The following BCAS3 variants were observed in gnomAD, a reference collection of about 807,000 sequenced individuals.
The protein encoded by BCAS3 is BCAS4/BCAS3 fusion.
BCAS3 carries 53 observed loss-of-function variants against 116.1 expected under a neutral mutation model. The observed-to-expected ratio is 0.46, with a 90% CI of 0.37 to 0.57. The LOEUF is 0.57. BCAS3 is among the 20% of genes least tolerant of loss of function. The pLI, the probability that BCAS3 is intolerant of heterozygous loss-of-function variation, is 0.00. For synonymous variants in BCAS3, 391 were observed against 408.2 expected (o/e 0.96, Z 0.51); for missense variants, 917 against 1,165.4 (o/e 0.79, Z 3.10).
At position 61,078,459 on chromosome 17, in the gene BCAS3, C is replaced by T. The variant is rs779049490; in HGVS notation, c.2257C>T (p.His753Tyr). ...ATCCAGTTCATCTGTGTTGCAGTCTCATGGTCCGAGTGACACGCCACAGCC... is the reference window on the plus strand; with the variant it reads ...ATCCAGTTCATCTGTGTTGCAGTCTTATGGTCCGAGTGACACGCCACAGCC... The part of the protein sequence containing the change: ...ISSSSSVLQS[H>Y]GPSDTPQPLL... The change falls in exon 21 of 24, where the codon CAT becomes TAT. Residue 753 changes from histidine to tyrosine, a missense_variant. By Grantham distance (83) the His-to-Tyr change is moderately conservative. This residue lies in a region of BCAS3 where 807 missense variants were observed against 1,026.0 expected (regional missense o/e 0.79). Transcript: ENST00000407086. The T allele has an allele frequency of 6.2e-6, 10 of 1,614,082 alleles. No individual in the cohort carries two copies. The highest frequency in any genetic ancestry group is 8.5e-6 in the Non-Finnish European group (10 of 1,180,040).
intron 22 of BCAS3, among the ~76,000 whole-genome samples, chr17:61,116,245 A>T (rs377728140): frequency 1.1e-3 from 68 of 63,408 alleles, no homozygotes; most frequent in East Asian, 5.4e-3. Flanking sequence ...GTATAATAAA[A>T]AAATAAATAA....
rs907652379 is a variant in BCAS3 at position 61,189,069 on chromosome 17, C to T, written c.2425+104505C>T. Reference sequence around the variant, plus strand: ...AGTGAGCTGCTATTATGCCCCTACACTCCAGCCTGGGTGACAAAACAAGAC... The same window carrying T: ...AGTGAGCTGCTATTATGCCCCTACATTCCAGCCTGGGTGACAAAACAAGAC... On this transcript the variant is annotated intron_variant, in intron 22 of 23. Transcript: ENST00000407086. This position sits in a 1 kb window ranked among gnomAD's most constrained non-coding sequence, Gnocchi z 4.5. Among the ~76,000 whole-genome samples, 1 of 152,142 alleles carries T rather than the reference C, an allele frequency of 6.6e-6. No homozygotes were observed. Among genetic ancestry groups the T allele is most frequent in the African/African-American group, 2.4e-5 (1 of 41,414 alleles).
intron 4 of BCAS3, among the ~76,000 whole-genome samples, chr17:60,702,787 T>C (rs1433514860): frequency 2.0e-5 from 3 of 151,692 alleles, no homozygotes; most frequent in East Asian, 3.9e-4. Context: ...GATGGGGTTT[T>C]GCCATGTTGC....
At chr17:60,991,426 G>A (rs141969111) in intron 15 of BCAS3, among the ~76,000 whole-genome samples, 5 of 152,254 alleles carry the variant, frequency 3.3e-5, no homozygotes, top group East Asian at 1.9e-4. Context: ...TGATCATAAC[G>A]TAGTTGAATC....
rs5821309 is a variant in BCAS3, at chr17:61,179,874, CTTTTT to C, written c.2425+95324_2425+95328del. ...TATCACTGTTTTTCTCTCTCTCTCTCTTTTTTTTTTTTTTTTTTGGCAGCCCAATT... is the reference window on the plus strand; with the variant it reads ...TATCACTGTTTTTCTCTCTCTCTCTCTTTTTTTTTTTTTGGCAGCCCAATT... On this transcript the variant is annotated intron_variant, in intron 22 of 23. Coordinates refer to ENST00000407086, the MANE Select transcript of BCAS3 (RefSeq NM_017679.5). 4.0e-5 allele frequency among the ~76,000 whole-genome samples: 5 copies of C among 124,492 alleles called. No individual in the cohort carries two copies. In the South Asian group the frequency reaches 1.0e-3, roughly 25 times the overall value. 81.7% of individuals were successfully genotyped at this position (124,492 alleles called of 152,430 possible).
intron 22 of BCAS3, among the ~76,000 whole-genome samples, chr17:61,252,235 T>C (rs550264879): frequency 2.6e-5 from 4 of 151,496 alleles, no homozygotes; most frequent in Admixed American, 2.6e-4. Context: ...CCAGAAGGAG[T>C]CCAGTTCTCT....
In BCAS3 at chr17:61,249,657, T is replaced by C. The variant is rs761100383; in HGVS notation, c.2426-118670T>C. 6.6e-6 allele frequency among the ~76,000 whole-genome samples: 1 copy of C among 152,222 alleles called. No individual in the cohort carries two copies. The highest frequency in any genetic ancestry group is 1.5e-5 in the Non-Finnish European group (1 of 68,042). On this transcript the variant is annotated intron_variant, in intron 22 of 23. Coordinates refer to ENST00000407086, the MANE Select transcript of BCAS3 (RefSeq NM_017679.5). The surrounding 1 kb of genome is among the most constrained non-coding windows in gnomAD (Gnocchi z 6.2). The stretch of plus-strand genomic sequence containing the variant: ...AACTGATCTAAGGGAAAATTCTTTT[T>C]CTCGTGTTGTTTTAGGAAGCTCAGA...
At position 61,161,212 on chromosome 17, in the gene BCAS3, A is replaced by G. The variant is rs1755956829; in HGVS notation, c.2425+76648A>G. Among the ~76,000 whole-genome samples the G allele has an allele frequency of 6.6e-6, 1 of 152,246 alleles. No homozygotes were observed. The highest frequency in any genetic ancestry group is 2.4e-5 in the African/African-American group (1 of 41,470). On this transcript the variant is annotated intron_variant, in intron 22 of 23. Coordinates refer to ENST00000407086, the MANE Select transcript of BCAS3 (RefSeq NM_017679.5). The surrounding 1 kb of genome is among the most constrained non-coding windows in gnomAD (Gnocchi z 4.8). ...ACTGTATTTCAGCAGCAAGAGTTGC[A>G]ATCTGAGAGTAATATGAAACATTTT...
At chr17:61,291,173 A>G (rs1348041702) in intron 22 of BCAS3, among the ~76,000 whole-genome samples, 2 of 152,242 alleles carry the variant, frequency 1.3e-5, no homozygotes, top group Non-Finnish European at 2.9e-5. Context: ...ATGAACAACT[A>G]CAGCCTACCA....
chr17:61,278,014 C>T lies in BCAS3; in HGVS notation c.2426-90313C>T, dbSNP rs35014203. Among the ~76,000 whole-genome samples, 30,622 of 152,076 alleles carry T rather than the reference C, an allele frequency of 0.2. 5,698 individuals carry two copies. Among genetic ancestry groups the T allele is most frequent in the African/African-American group, 0.5 (20,720 of 41,438 alleles). ...TATACCCAAAAGAAATGAAAACATA[C>T]CCACACAAAAAATGGTTTGTTTTGT... On this transcript the variant is annotated intron_variant, in intron 22 of 23. Transcript: ENST00000407086. The surrounding 1 kb of genome is among the most constrained non-coding windows in gnomAD (Gnocchi z 5.8).
chr17:61,252,945 T>C (rs1337759282), intron 22 of BCAS3, among the ~76,000 whole-genome samples: 5 of 150,536 alleles, frequency 3.3e-5, no homozygotes, highest in Non-Finnish European at 7.4e-5. Flanking sequence ...AGTGGTGTGA[T>C]CTCAGCTCAC....
At position 61,235,178 on chromosome 17, in the gene BCAS3, C is replaced by T. The variant is rs1025892165; in HGVS notation, c.2426-133149C>T. ...CTGGGATTATAGGCGTGAACCACCA[C>T]GCCTGGCTGTCTGCCCCCCGCCTGT... On this transcript the variant is annotated intron_variant, in intron 22 of 23. Transcript: ENST00000407086. The surrounding 1 kb of genome is among the most constrained non-coding windows in gnomAD (Gnocchi z 5.0). Among the ~76,000 whole-genome samples, 7 of 152,188 alleles carry T rather than the reference C, an allele frequency of 4.6e-5. No homozygotes were observed. The highest frequency in any genetic ancestry group is 1.9e-4 in the East Asian group (1 of 5,172).
intron 14 of BCAS3, among the ~76,000 whole-genome samples, chr17:60,983,557 T>G (rs2062943020): frequency 6.6e-6 from 1 of 152,186 alleles, no homozygotes; most frequent in Non-Finnish European, 1.5e-5. Flanking sequence ...GCAGAATCAC[T>G]TCTCTATTAG....
At position 61,087,189 on chromosome 17, in the gene BCAS3, A is replaced by G. The variant is rs1373747603; in HGVS notation, c.2425+2625A>G. ...ATCCATGCATTGGAGTCAGCTGCAC[A>G]TCAGGAAGTTGCTTATCTGGAGGTT... On this transcript the variant is annotated intron_variant, in intron 22 of 23. Coordinates refer to ENST00000407086, the MANE Select transcript of BCAS3 (RefSeq NM_017679.5). The surrounding 1 kb of genome is among the most constrained non-coding windows in gnomAD (Gnocchi z 4.6). 4 of 985,460 alleles carry G rather than the reference A, an allele frequency of 4.1e-6. No homozygotes were observed. The highest frequency in any genetic ancestry group is 2.3e-4 in the East Asian group (2 of 8,832). 61.0% of individuals were successfully genotyped at this position (985,460 alleles called of 1,614,324 possible).
intron 22 of BCAS3, among the ~76,000 whole-genome samples, chr17:61,246,652 A>G (rs1178276895): frequency 1.3e-5 from 2 of 152,082 alleles, no homozygotes; most frequent in Non-Finnish European, 2.9e-5. Flanking sequence ...ACCAGTTGCT[A>G]CAAGTTAGCT....
chr17:60,749,466 G>T (rs1000717206), intron 6 of BCAS3, among the ~76,000 whole-genome samples: 1 of 152,144 alleles, frequency 6.6e-6, no homozygotes, highest in Admixed American at 6.6e-5. Context: ...ATTTGGAAAT[G>T]CAAGTCTGGT....
chr17:60,810,627 C>A, intron 7 of BCAS3: 1 of 695,640 alleles, frequency 1.4e-6, no homozygotes. Context: ...TTCTGCAAAT[C>A]AACAGTGCCT....
At chr17:61,044,465 A>ATATATATATATATATATATATATATATAT (rs1555683921) in intron 19 of BCAS3, among the ~76,000 whole-genome samples, 1 of 120,120 alleles carries the variant, frequency 8.3e-6, no homozygotes, top group African/African-American at 5.0e-5. Context: ...AAAAAAAAAA[A>ATATATATATATATATATATATATATATAT]ATATATATAT....
In BCAS3 at chr17:61,181,977, G is replaced by A. The variant is rs1482419510; in HGVS notation, c.2425+97413G>A. 1.3e-5 allele frequency among the ~76,000 whole-genome samples: 2 copies of A among 151,880 alleles called. No individual in the cohort carries two copies. Among genetic ancestry groups the A allele is most frequent in the African/African-American group, 2.4e-5 (1 of 41,326 alleles). The stretch of plus-strand genomic sequence containing the variant: ...CACCCTCAACCTCTTGGGCTCAAGG[G>A]ATCTTCCCACCTCAGCCTGCCTTGT... On this transcript the variant is annotated intron_variant, in intron 22 of 23. Coordinates refer to ENST00000407086, the MANE Select transcript of BCAS3 (RefSeq NM_017679.5). This position sits in a 1 kb window ranked among gnomAD's most constrained non-coding sequence, Gnocchi z 5.0.
Sources: gnomAD v4.1 joint callset for allele counts (sites outside exome capture counted in the v4.1 genomes callset) on GRCh38, gnomAD v4.1.1 for gene constraint, gnomAD v4.1.1 regional missense constraint, Gnocchi (gnomAD v3.1) non-coding constraint, MANE v1.5 for transcripts, NCBI Gene and HGNC (gene_info 2026-07-23, HGNC 2026-07-21) for gene names.